Variants in RPH3AL observed in about 807,000 individuals in gnomAD.
RPH3AL encodes rabphilin 3A like (without C2 domains).
Under a neutral mutation model 43.1 loss-of-function variants are expected in RPH3AL, and 38 were observed. The ratio of observed to expected loss-of-function variants is 0.88; its 90% confidence interval spans 0.68 to 1.15. RPH3AL has a LOEUF of 1.15. Among genes scored for constraint, RPH3AL ranks in the 50% most tolerant of loss-of-function variants. The pLI, the probability that RPH3AL is intolerant of heterozygous loss-of-function variation, is 0.00. For missense variants in RPH3AL, 462 were observed against 423.2 expected, an observed-to-expected ratio of 1.09 and a Z score of -0.81; for synonymous variants, 189 against 176.3, an observed-to-expected ratio of 1.07 and a Z score of -0.57.
rs1007909801 is a variant in RPH3AL, at chr17:328,891, C to T, written c.-36-1312G>A. Among the ~76,000 whole-genome samples, 3 of 152,102 alleles carry T rather than the reference C, an allele frequency of 2.0e-5. No homozygotes were observed. The highest frequency in any genetic ancestry group is 6.5e-5 in the Admixed American group (1 of 15,268). The stretch of plus-strand genomic sequence containing the variant: ...AAGAAAAGCCAGTCATAAAAGACCA[C>T]GTATTGTATGATTCCGTTTATACAG... On this transcript the variant is annotated intron_variant, in intron 2 of 9. Transcript: ENST00000331302. This position sits in a 1 kb window ranked among gnomAD's most constrained non-coding sequence, Gnocchi z 4.2.
chr17:253,203 T>A (rs1555543293), intron 6 of RPH3AL, among the ~76,000 whole-genome samples: 1 of 152,150 alleles, frequency 6.6e-6, no homozygotes, highest in Non-Finnish European at 1.5e-5. Flanking sequence ...TACCCTGCCA[T>A]CCCTAGGACA....
intron 5 of RPH3AL, among the ~76,000 whole-genome samples, chr17:305,309 G>A (rs1179601210): frequency 2.0e-5 from 3 of 151,958 alleles, no homozygotes; most frequent in Admixed American, 6.6e-5. Flanking sequence ...GAGATGGCGC[G>A]TAACAGCCCT....
chr17:291,311 G>C lies in RPH3AL; in HGVS notation c.352-9457C>G, dbSNP rs915885170. The stretch of plus-strand genomic sequence containing the variant: ...TCCCAGTGCTTTGGGAGGCCGAGGT[G>C]GGGGGATTTCTTGAGGCCAGAAGTT... On this transcript the variant is annotated intron_variant, in intron 5 of 9. Transcript: ENST00000331302. Among the ~76,000 whole-genome samples the C allele has an allele frequency of 4.6e-5, 7 of 152,266 alleles. No homozygotes were observed. The South Asian group carries it at 1.5e-3, about 32-fold the overall frequency.
chr17:271,623 C>A (rs949864904), intron 6 of RPH3AL, among the ~76,000 whole-genome samples: 4 of 152,056 alleles, frequency 2.6e-5, no homozygotes, highest in Admixed American at 1.3e-4. Flanking sequence ...GATTTTGTAC[C>A]CTGAGACTTT....
intron 6 of RPH3AL, among the ~76,000 whole-genome samples, chr17:280,904 T>G (rs2042763739): frequency 6.6e-6 from 1 of 152,094 alleles, no homozygotes; most frequent in South Asian, 2.1e-4. Flanking sequence ...ATTGAAGGTG[T>G]TTTGTGGATC....
rs748550527 is a variant in RPH3AL, at chr17:219,700, C to G, written c.650G>C (p.Ser217Thr). The G allele has an allele frequency of 1.2e-6, 2 of 1,613,412 alleles. No homozygotes were observed. The highest frequency in any genetic ancestry group is 1.7e-6 in the Non-Finnish European group (2 of 1,179,850). The change falls in exon 8 of 10, where the codon AGC becomes ACC. Residue 217 changes from serine to threonine, a missense_variant. By Grantham distance (58) the Ser-to-Thr change is moderately conservative. Transcript: ENST00000331302. Reference protein sequence around the residue: ...SSDSDSDSDLSSSSLEDRLPS... With the variant: ...SSDSDSDSDLTSSSLEDRLPS... ...GAGTCTGTCCTCTAGGCTGGAGGAG[C>G]TAAGATCCGAGTCACTGTCACTGTC...
chr17:238,429 A>C (rs1158106365), intron 7 of RPH3AL, among the ~76,000 whole-genome samples: 2 of 151,626 alleles, frequency 1.3e-5, no homozygotes, highest in Non-Finnish European at 3.0e-5. Context: ...GAAGAGAAGA[A>C]GCCGCATCCT....
Position 290,868 on chromosome 17 carries a change from G to C in RPH3AL, c.352-9014C>G, listed in dbSNP as rs147361971. Among the ~76,000 whole-genome samples the C allele has an allele frequency of 1.9e-3, 291 of 152,310 alleles. 3 individuals carry two copies. The highest frequency in any genetic ancestry group is 6.1e-3 in the African/African-American group (253 of 41,572). On this transcript the variant is annotated intron_variant, in intron 5 of 9. Transcript: ENST00000331302. This position sits in a 1 kb window ranked among gnomAD's most constrained non-coding sequence, Gnocchi z 4.2. ...TCACACTCCTGGACGGGCCGGGACA[G>C]CTTCACAGCGTCACCATCCATGGCA... is the stretch of plus-strand genomic sequence containing the variant.
intron 5 of RPH3AL, among the ~76,000 whole-genome samples, chr17:305,045 AGGGGGACAGGGCGAGAG>A (rs2043444378): frequency 6.7e-5 from 2 of 29,896 alleles, no homozygotes; most frequent in Non-Finnish European, 1.2e-4. Context: ...ACAGGGCGAG[AGGGGGACAGGGCGAGAG>A]GGGGACAGGG....
At chr17:282,679 T>C (rs548839623) in intron 5 of RPH3AL, among the ~76,000 whole-genome samples, 17 of 152,190 alleles carry the variant, frequency 1.1e-4, no homozygotes, top group Admixed American at 5.2e-4. Flanking sequence ...AGTGAGGTGA[T>C]TGCATCATTG....
chr17:261,308 C>T (rs8073513), intron 6 of RPH3AL, among the ~76,000 whole-genome samples: 48,389 of 152,022 alleles, frequency 0.32, 8,040 homozygotes, highest in African/African-American at 0.41. Flanking sequence ...TGAGGGTGAT[C>T]GCTGCCCTTA....
intron 5 of RPH3AL, among the ~76,000 whole-genome samples, chr17:315,861 C>T (rs183450431): frequency 1.4e-5 from 2 of 141,580 alleles, no homozygotes; most frequent in African/African-American, 5.2e-5. Context: ...ACCTGTAGTC[C>T]CTGTGCCCCC....
At chr17:331,867 G>A in intron 2 of RPH3AL, 1 of 1,289,144 alleles carries the variant, frequency 7.8e-7, no homozygotes, top group Non-Finnish European at 1.0e-6. Flanking sequence ...TTGTACTCAG[G>A]TATGACCATT....
Position 247,181 on chromosome 17 carries a change from G to A in RPH3AL, c.543C>T (p.Pro181=). The change falls in exon 7 of 10, where the codon CCC becomes CCT. Residue 181 remains proline, a synonymous_variant. Coordinates refer to ENST00000331302, the MANE Select transcript of RPH3AL (RefSeq NM_006987.4). ...TGGGCTCTCGCTCTGCCGGTTCCGT[G>A]GGCAAAGGTCGGAAGTGGGGGTCAT... ...RADDPHFRPL[P]TEPAEREPRS... 6.2e-7 allele frequency: 1 copy of A among 1,614,112 alleles called. No individual in the cohort carries two copies. Among genetic ancestry groups the A allele is most frequent in the East Asian group, 2.2e-5 (1 of 44,872 alleles).
rs568026582 is a variant in RPH3AL, at chr17:306,070, A to AGGCTGGTCTCAGAC, written c.351+13336_351+13349dup. On this transcript the variant is annotated intron_variant, in intron 5 of 9. Transcript: ENST00000331302. ...GAGATGAGGTCTCACTACATTACCCAGGCTGGTCTCAGACTCCTGGTCTCA... is the reference window on the plus strand; with the variant it reads ...GAGATGAGGTCTCACTACATTACCCAGGCTGGTCTCAGACGGCTGGTCTCAGACTCCTGGTCTCA... Among the ~76,000 whole-genome samples the AGGCTGGTCTCAGAC allele has an allele frequency of 4.6e-4, 65 of 142,558 alleles. 1 individual carries two copies. The South Asian group carries it at 0.013, about 28-fold the overall frequency. 93.5% of individuals were successfully genotyped at this position (142,558 alleles called of 152,430 possible).
At chr17:268,761 G>A (rs1175399384) in intron 6 of RPH3AL, among the ~76,000 whole-genome samples, 11 of 151,646 alleles carry the variant, frequency 7.3e-5, no homozygotes, top group East Asian at 1.9e-4. Flanking sequence ...GACAGGTTTC[G>A]CCATGTTACC....
intron 5 of RPH3AL, among the ~76,000 whole-genome samples, chr17:309,253 A>G (rs1177450356): frequency 1.3e-5 from 2 of 152,210 alleles, no homozygotes; most frequent in Non-Finnish European, 2.9e-5. Context: ...CCTGTTTGCC[A>G]CTGCACTCCA....
chr17:270,393 G>T (rs879918845), intron 6 of RPH3AL, among the ~76,000 whole-genome samples: 5 of 152,172 alleles, frequency 3.3e-5, no homozygotes, highest in African/African-American at 4.8e-5. Context: ...CGGCTAGCAC[G>T]GCCAGTTCCC....
At chr17:314,652 T>TGACCTGTAGTCCCTGTGCC (rs2043827800) in intron 5 of RPH3AL, among the ~76,000 whole-genome samples, 1 of 7,468 alleles carries the variant, frequency 1.3e-4, no homozygotes, top group Non-Finnish European at 3.2e-4. Context: ...TCCCTGTGAC[T>TGACCTGTAGTCCCTGTGCC]CCACCTCCAT....
Sources: gnomAD v4.1 joint callset for allele counts (sites outside exome capture counted in the v4.1 genomes callset) on GRCh38, gnomAD v4.1.1 for gene constraint, Gnocchi (gnomAD v3.1) non-coding constraint, MANE v1.5 for transcripts, NCBI Gene and HGNC (gene_info 2026-07-23, HGNC 2026-07-21) for gene names.